Variants in UCHL3 observed in about 807,000 individuals in gnomAD.
UCHL3 encodes ubiquitin C-terminal hydrolase L3.
UCHL3 carries 22 observed loss-of-function variants against 35.8 expected under a neutral mutation model. That is an observed-to-expected ratio of 0.61 (90% CI 0.44 to 0.88). The LOEUF is 0.88. UCHL3 is among the 40% of genes least tolerant of loss of function. The pLI, the probability that UCHL3 is intolerant of heterozygous loss-of-function variation, is 0.00. For synonymous variants in UCHL3, 90 were observed against 92.8 expected (o/e 0.97, Z 0.17); for missense variants, 229 against 276.9 (o/e 0.83, Z 1.23).
At chr13:75,560,986 A>G in intron 3 of UCHL3, 105 bp downstream of exon 3, 1 of 1,101,630 alleles carries the variant, frequency 9.1e-7, no homozygotes, top group Non-Finnish European at 1.2e-6. Context: ...GCTGGAGTGC[A>G]GAGGTGTAAT....
chr13:75,561,011 G>A (rs917994030), intron 3 of UCHL3, 130 bp downstream of exon 3: 3 of 788,674 alleles, frequency 3.8e-6, no homozygotes, highest in Non-Finnish European at 5.4e-6. Flanking sequence ...GCTTACTGCA[G>A]TCTCAACCTC....
At chr13:75,565,103 C>T (rs1166026577) in intron 3 of UCHL3, among the ~76,000 whole-genome samples, 2 of 152,102 alleles carry the variant, frequency 1.3e-5, no homozygotes, top group East Asian at 3.9e-4. Flanking sequence ...GTCTCTTGGC[C>T]TTATTTTTTT....
intron 8 of UCHL3, 131 bp from the exon 9 acceptor site, chr13:75,605,598 C>G: frequency 1.2e-6 from 1 of 865,142 alleles, no homozygotes; most frequent in Non-Finnish European, 1.8e-6. Flanking sequence ...TTCTGGTGTT[C>G]TTTATTTCTC....
Position 75,556,947 on chromosome 13 carries a change from G to A in UCHL3, c.55-3806G>A, listed in dbSNP as rs541499573. ...GGTAAAAGGATACACTGGGTTGAGT[G>A]CAGTGGTTCACAGCTAGTGAGCACT... On this transcript the variant is annotated intron_variant, in intron 2 of 8. Coordinates refer to ENST00000377595, the MANE Select transcript of UCHL3 (RefSeq NM_006002.5). 2.0e-4 allele frequency among the ~76,000 whole-genome samples: 31 copies of A among 152,350 alleles called. No homozygotes were observed. The South Asian group carries it at 5.8e-3, about 28-fold the overall frequency.
intron 3 of UCHL3, among the ~76,000 whole-genome samples, chr13:75,562,219 A>T (rs1195610820): frequency 2.0e-5 from 3 of 152,126 alleles, no homozygotes; most frequent in Non-Finnish European, 2.9e-5. Context: ...GATAAATTAA[A>T]TAACATTGAA....
intron 6 of UCHL3, among the ~76,000 whole-genome samples, chr13:75,590,500 C>A (rs1392260002): frequency 6.6e-6 from 1 of 152,120 alleles, no homozygotes; most frequent in South Asian, 2.1e-4. Flanking sequence ...TGTGTACCTT[C>A]TGAGTTCTTT....
At chr13:75,581,977 A>G (rs1421916789) in intron 6 of UCHL3, among the ~76,000 whole-genome samples, 5 of 152,180 alleles carry the variant, frequency 3.3e-5, no homozygotes, top group Non-Finnish European at 7.3e-5. Context: ...GCCCTTATGA[A>G]TCAGTCAAAT....
At chr13:75,573,258 C>G (rs1347675076) in intron 6 of UCHL3, among the ~76,000 whole-genome samples, 3 of 106,338 alleles carry the variant, frequency 2.8e-5, no homozygotes, top group African/African-American at 1.2e-4. Context: ...GAGCGAGACT[C>G]TGTCTCAGAA....
At chr13:75,577,962 AC>A (rs369120684) in intron 6 of UCHL3, among the ~76,000 whole-genome samples, 1,993 of 151,888 alleles carry the variant, frequency 0.013, 61 homozygotes, top group African/African-American at 0.046. Flanking sequence ...ACTGCCCAGA[AC>A]CCCCCCATGT....
chr13:75,600,045 A>G (rs1486938083), intron 7 of UCHL3, among the ~76,000 whole-genome samples: 1 of 152,256 alleles, frequency 6.6e-6, no homozygotes, highest in Non-Finnish European at 1.5e-5. Context: ...AGTGGTCTGG[A>G]TAGAAGATCA....
intron 6 of UCHL3, chr13:75,590,080 G>A (rs1371215120): frequency 5.4e-6 from 7 of 1,304,104 alleles, no homozygotes; most frequent in South Asian, 2.5e-5. Context: ...CTCCGTCTTC[G>A]TCGCTGGCGA....
chr13:75,586,278 T>C, intron 6 of UCHL3, among the ~76,000 whole-genome samples: 1 of 151,964 alleles, frequency 6.6e-6, no homozygotes, highest in East Asian at 1.9e-4. Flanking sequence ...AGAAGGACAT[T>C]ACATAAGGAT....
At chr13:75,573,374 G>T (rs1324001397) in intron 6 of UCHL3, among the ~76,000 whole-genome samples, 1 of 151,750 alleles carries the variant, frequency 6.6e-6, no homozygotes, top group Non-Finnish European at 1.5e-5. Context: ...TTTTTTGTCA[G>T]TTCCTACAAA....
chr13:75,561,421 TA>T (rs2031491129), intron 3 of UCHL3, among the ~76,000 whole-genome samples: 2 of 152,144 alleles, frequency 1.3e-5, no homozygotes, highest in Non-Finnish European at 2.9e-5. Context: ...TAAGCTTTGG[TA>T]AATTTTCTTC....
At chr13:75,563,074 A>G (rs901461938) in intron 3 of UCHL3, among the ~76,000 whole-genome samples, 1 of 152,174 alleles carries the variant, frequency 6.6e-6, no homozygotes, top group African/African-American at 2.4e-5. Flanking sequence ...GTAGTTGTGA[A>G]TGACTTAAGC....
At chr13:75,567,376 TG>T (rs2138492824) in intron 5 of UCHL3, 64 bp downstream of exon 5, 3 of 1,426,130 alleles carry the variant, frequency 2.1e-6, no homozygotes, top group East Asian at 2.3e-5. Context: ...TAGATGTGTT[TG>T]GGGGTTTTGT....
At chr13:75,574,696 C>T (rs1593738957) in intron 6 of UCHL3, among the ~76,000 whole-genome samples, 1 of 152,112 alleles carries the variant, frequency 6.6e-6, no homozygotes, top group Non-Finnish European at 1.5e-5. Flanking sequence ...TTTTATTTTA[C>T]TAGGCATCCA....
chr13:75,587,997 C>G lies in UCHL3; in HGVS notation c.475-6918C>G, dbSNP rs367659912. 7.9e-5 allele frequency among the ~76,000 whole-genome samples: 12 copies of G among 152,264 alleles called. No homozygotes were observed. The East Asian group carries it at 2.3e-3, about 29-fold the overall frequency. On this transcript the variant is annotated intron_variant, in intron 6 of 8. Transcript: ENST00000377595. ...GAATTGCCACAAACGTATTGATGAT[C>G]ATGCTCCTTGCTGTGCTATAAGTAA...
chr13:75,552,034 A>AGTG (rs869198822), intron 2 of UCHL3, among the ~76,000 whole-genome samples: 1 of 51,168 alleles, frequency 2.0e-5, no homozygotes, highest in Admixed American at 2.0e-4. Flanking sequence ...TACATGGAAT[A>AGTG]GTGACAGGAG....
Sources: gnomAD v4.1 joint callset for allele counts (sites outside exome capture counted in the v4.1 genomes callset) on GRCh38, gnomAD v4.1.1 for gene constraint, MANE v1.5 for transcripts, NCBI Gene and HGNC (gene_info 2026-07-23, HGNC 2026-07-21) for gene names.